The following WDCP variants were observed in gnomAD, a reference collection of about 807,000 sequenced individuals.
The protein encoded by WDCP is WD repeat and coiled coil containing, also known as WD repeat and coiled-coil-containing protein.
In WDCP, 19 loss-of-function variants were observed where a neutral mutation model predicts 41.6. The ratio of observed to expected loss-of-function variants is 0.46; its 90% CI spans 0.32 to 0.67. WDCP has a LOEUF of 0.67. Among genes scored for constraint, WDCP ranks in the 30% least tolerant of loss-of-function variants. The pLI is 0.04. For missense variants in WDCP, 802 were observed against 850.7 expected (o/e 0.94, Z 0.71); for synonymous variants, 302 against 320.8 (o/e 0.94, Z 0.63).
In WDCP at chr2:24,037,688, T is replaced by C. The variant is rs1292073770; in HGVS notation, c.1807A>G (p.Ile603Val). The C allele has an allele frequency of 2.5e-6, 4 of 1,609,750 alleles. No homozygotes were observed. The Admixed American group carries it at 5.0e-5, about 20-fold the overall frequency. The change falls in exon 2 of 4, where the codon ATC (isoleucine) becomes GTC (valine). Residue 603 changes from isoleucine (I) to valine (V), a missense_variant. Physicochemically the swap from Ile to Val is conservative, Grantham distance 29 (BLOSUM62 3). Around this residue, in one of 5 missense-constraint regions of WDCP, gnomAD observed 321 missense variants for 305.1 expected, o/e 1.05. Coordinates refer to ENST00000295148, the MANE Select transcript of WDCP (RefSeq NM_025203.3). ...PLSQDLPYVHIIYQKPYYLGP... is the reference protein window; with the variant it reads ...PLSQDLPYVHVIYQKPYYLGP... ...AAAGGAGAATTTACCTGGTAAATGA[T>C]GTGAACATAAGGAAGATCTTGAGAG...
intron 1 of WDCP, 95 bp from the exon 2 acceptor site, chr2:24,039,607 G>T: frequency 1.8e-6 from 2 of 1,098,960 alleles, no homozygotes; most frequent in Non-Finnish European, 2.6e-6. Context: ...CCCCTTCCCA[G>T]GTTAATAATG....
chr2:24,034,218 C>T (rs926311586), intron 2 of WDCP, among the ~76,000 whole-genome samples: 5 of 151,960 alleles, frequency 3.3e-5, no homozygotes, highest in Admixed American at 2.0e-4. Flanking sequence ...GTCAGGAGTT[C>T]GAGACCAGCC....
In WDCP at chr2:24,030,969, G is replaced by A; in HGVS notation, c.2130C>T (p.Thr710=). Residue 710 remains threonine, a synonymous_variant, in exon 4 of 4, where the codon ACC becomes ACT. Coordinates refer to ENST00000295148, the MANE Select transcript of WDCP (RefSeq NM_025203.3). ...CATCTACATGGTTACAACAGCCAGT[G>A]GTATCTAAACTGGGGGCAGCAAGGC... The part of the protein sequence containing the change: ...FTGLAAPSLD[T]TGCCNHVDGM... 1 of 1,614,136 alleles carries A rather than the reference G, an allele frequency of 6.2e-7. No individual in the cohort carries two copies. Among genetic ancestry groups the A allele is most frequent in the South Asian group, 1.1e-5 (1 of 91,084 alleles).
In WDCP at chr2:24,037,977, GA is replaced by G; in HGVS notation, c.1517del (p.Ile506ThrfsTer6). On this transcript the variant is annotated frameshift_variant, in exon 2 of 4. Coordinates refer to ENST00000295148, the MANE Select transcript of WDCP (RefSeq NM_025203.3). LOFTEE classifies it high-confidence loss of function. ...CATCTAGAGCTATGGAGCCATCACA[GA>G]TACTAGACAGAGGACTCTGGATTTC... Reference protein sequence around the residue: ...IKEIQSPLSSICDGSIALDAE... With the variant: ...IKEIQSPLSSXCDGSIALDAE... 6.2e-7 allele frequency: 1 copy of G among 1,614,208 alleles called. No individual in the cohort carries two copies. Among genetic ancestry groups the G allele is most frequent in the Non-Finnish European group, 8.5e-7 (1 of 1,180,032 alleles).
chr2:24,038,066 CT>C lies in WDCP; in HGVS notation c.1428del (p.Leu478CysfsTer3). 6.2e-7 allele frequency: 1 copy of C among 1,614,086 alleles called. No homozygotes were observed. Among genetic ancestry groups the C allele is most frequent in the Non-Finnish European group, 8.5e-7 (1 of 1,180,000 alleles). On this transcript the variant is annotated frameshift_variant, in exon 2 of 4. Coordinates refer to ENST00000295148, the MANE Select transcript of WDCP (RefSeq NM_025203.3). LOFTEE classifies it high-confidence loss of function. ...CTGGTATTAACTGTCAGCAACAGCC[CT>C]TTGTTTTGGTGACAAAAATCTGGGG... ...SLSPDFCHQNKGLLLTVNTSS... is the reference protein window; with the variant it reads ...SLSPDFCHQNXGLLLTVNTSS...
At position 24,039,312 on chromosome 2, in the gene WDCP, A is replaced by G. The variant is rs777113274; in HGVS notation, c.183T>C (p.Cys61=). 1.2e-6 allele frequency: 2 copies of G among 1,614,140 alleles called. No individual in the cohort carries two copies. The highest frequency in any genetic ancestry group is 4.5e-5 in the East Asian group (2 of 44,902). Residue 61 remains cysteine, a synonymous_variant, in exon 2 of 4, where the codon TGT becomes TGC. Transcript: ENST00000295148. ...SKVIGQFECV[C]GLSWAPPVAD... ...CAACAGGTGGGGCCCAGGACAACCC[A>G]CAGACACATTCAAACTGTCCAATGA... is the stretch of plus-strand genomic sequence containing the variant.
chr2:24,037,653 G>A (rs1441223527), intron 2 of WDCP, 24 bp downstream of exon 2: 1 of 1,585,284 alleles, frequency 6.3e-7, no homozygotes. Context: ...ATGTATAGTG[G>A]TAGTTCCTCA....
chr2:24,044,486 T>G (rs986433384), intron 1 of WDCP, among the ~76,000 whole-genome samples: 1 of 152,080 alleles, frequency 6.6e-6, no homozygotes, highest in African/African-American at 2.4e-5. Context: ...AGGCTGGTCT[T>G]GAACTCCTGA....
chr2:24,037,064 G>A (rs933871614), intron 2 of WDCP, among the ~76,000 whole-genome samples: 7 of 152,238 alleles, frequency 4.6e-5, no homozygotes, highest in Admixed American at 2.6e-4. Context: ...GTCTCGCCCT[G>A]TTGCCCAGGC....
At position 24,030,925 on chromosome 2, in the gene WDCP, T is replaced by C; in HGVS notation, c.*8A>G. 1 of 1,604,742 alleles carries C rather than the reference T, an allele frequency of 6.2e-7. No homozygotes were observed. Among genetic ancestry groups the C allele is most frequent in the East Asian group, 2.2e-5 (1 of 44,846 alleles). ...CTGAAGAGCTACACAGCAAGGACAC[T>C]GCAGATATCAAGCCATGCCATCTAC... is the stretch of plus-strand genomic sequence containing the variant. On this transcript the variant is annotated 3_prime_UTR_variant, in exon 4 of 4. Coordinates refer to ENST00000295148, the MANE Select transcript of WDCP (RefSeq NM_025203.3).
Position 24,038,471 on chromosome 2 carries a change from G to A in WDCP, c.1024C>T (p.Pro342Ser). 1 of 1,614,186 alleles carries A rather than the reference G, an allele frequency of 6.2e-7. No homozygotes were observed. Among genetic ancestry groups the A allele is most frequent in the African/African-American group, 1.3e-5 (1 of 75,056 alleles). The change falls in exon 2 of 4, where the codon CCT (proline) becomes TCT (serine). Residue 342 changes from proline (P) to serine (S), a missense_variant. Around this residue, in one of 5 missense-constraint regions of WDCP, gnomAD observed 247 missense variants for 240.5 expected, o/e 1.03. Coordinates refer to ENST00000295148, the MANE Select transcript of WDCP (RefSeq NM_025203.3). ...RKVTIPGILV[P>S]DLIAFNLKAH... is the part of the protein sequence containing the mutation. ...TTAAGATTAAATGCTATCAGATCAG[G>A]AACCAGAATGCCTGGAATAGTGACT...
At chr2:24,043,534 A>C (rs1041588468) in intron 1 of WDCP, among the ~76,000 whole-genome samples, 6 of 152,192 alleles carry the variant, frequency 3.9e-5, no homozygotes, top group African/African-American at 1.4e-4. Flanking sequence ...AACAATCTAC[A>C]AACATATATA....
intron 1 of WDCP, among the ~76,000 whole-genome samples, chr2:24,041,237 G>C (rs376848340): frequency 1.3e-5 from 2 of 151,574 alleles, no homozygotes; most frequent in East Asian, 3.9e-4. Context: ...TACTCAGGAG[G>C]CTGAGGCAGG....
intron 1 of WDCP, among the ~76,000 whole-genome samples, chr2:24,042,307 G>A (rs2150953434): frequency 6.6e-6 from 1 of 152,184 alleles, no homozygotes; most frequent in East Asian, 1.9e-4. Context: ...GGAGGCCGAG[G>A]CAGGCGGATC....
chr2:24,044,729 AG>A, intron 1 of WDCP, among the ~76,000 whole-genome samples: 1 of 150,834 alleles, frequency 6.6e-6, no homozygotes, highest in East Asian at 2.0e-4. Flanking sequence ...CCTTTTTATT[AG>A]GGTAAAACAA....
At position 24,038,757 on chromosome 2, in the gene WDCP, C is replaced by A. The variant is rs1558334919; in HGVS notation, c.738G>T (p.Met246Ile). 2 of 1,614,132 alleles carry A rather than the reference C, an allele frequency of 1.2e-6. No individual in the cohort carries two copies. Among genetic ancestry groups the A allele is most frequent in the South Asian group, 1.1e-5 (1 of 91,030 alleles). Residue 246 changes from methionine to isoleucine, a missense_variant, in exon 2 of 4, where the codon ATG becomes ATT. Physicochemically the swap from Met to Ile is conservative, Grantham distance 10. Around this residue, in one of 5 missense-constraint regions of WDCP, gnomAD observed 247 missense variants for 240.5 expected, o/e 1.03. Transcript: ENST00000295148. ...CAATAACTGGTAAAGCATACGGAGT[C>A]ATGTCTTTACTGTTAGGTGGGATAT... ...TFNIPPNSKD[M>I]TPYALPVIGE... is the part of the protein sequence containing the mutation.
At chr2:24,042,302 C>T (rs1162977225) in intron 1 of WDCP, among the ~76,000 whole-genome samples, 1 of 152,026 alleles carries the variant, frequency 6.6e-6, no homozygotes, top group Non-Finnish European at 1.5e-5. Context: ...CTTTGGGAGG[C>T]CGAGGCAGGC....
At position 24,035,274 on chromosome 2, in the gene WDCP, A is replaced by G. The variant is rs369298554; in HGVS notation, c.1819-2328T>C. 4.5e-4 allele frequency among the ~76,000 whole-genome samples: 68 copies of G among 152,054 alleles called. No individual in the cohort carries two copies. In the South Asian group the frequency reaches 0.013, roughly 29 times the overall value. On this transcript the variant is annotated intron_variant, in intron 2 of 3. Transcript: ENST00000295148. The stretch of plus-strand genomic sequence containing the variant: ...GCTGATATAAAGAGCTCTCTAGGAC[A>G]TACTATTAAATGGAAAATGAAAAGG...
intron 1 of WDCP, 53 bp from the exon 2 acceptor site, chr2:24,039,565 A>G (rs1663360964): frequency 3.3e-6 from 5 of 1,519,738 alleles, no homozygotes; most frequent in Non-Finnish European, 3.6e-6. Flanking sequence ...ACAAATCTAG[A>G]ATGTAGGACA....
Sources: allele counts gnomAD v4.1 joint callset (sites outside exome capture counted in the v4.1 genomes callset), GRCh38; gene constraint gnomAD v4.1.1; regional missense constraint gnomAD v4.1.1; transcripts MANE v1.5; gene names NCBI Gene and HGNC (gene_info 2026-07-23, HGNC 2026-07-21).